The following CUL1 variants were observed in gnomAD, a reference collection of about 807,000 sequenced individuals.
The protein encoded by CUL1 is cullin-1.
In CUL1, 24 loss-of-function variants were observed where a neutral mutation model predicts 118.0. The observed-to-expected ratio is 0.20, with a 90% CI of 0.15 to 0.29. CUL1 has a LOEUF of 0.29. CUL1 is among the 10% of genes least tolerant of loss of function. The pLI, the probability that CUL1 is intolerant of heterozygous loss-of-function variation, is 1.00. For synonymous variants in CUL1, 332 were observed against 340.4 expected, an observed-to-expected ratio of 0.98 and a Z score of 0.27; for missense variants, 361 against 933.8, an observed-to-expected ratio of 0.39 and a Z score of 7.99.
Position 148,703,620 on chromosome 7 carries a change from C to T in CUL1, c.-162+4591C>T, listed in dbSNP as rs949871108. Among the ~76,000 whole-genome samples the T allele has an allele frequency of 2.6e-5, 4 of 152,086 alleles. 1 individual carries two copies. The South Asian group carries it at 8.3e-4, about 32-fold the overall frequency. On this transcript the variant is annotated intron_variant, in intron 1 of 21. Transcript: ENST00000325222. ...TGATCTCGGCTCACTGCAACCTCCG[C>T]CTCCTGGGTTCAAGCGCTTCTCCTG...
chr7:148,734,446 G>A (rs1798873544), intron 2 of CUL1, among the ~76,000 whole-genome samples: 2 of 152,186 alleles, frequency 1.3e-5, no homozygotes, highest in Admixed American at 6.5e-5. Flanking sequence ...GTTTCACCAT[G>A]TTGCCCAGGC....
chr7:148,794,705 A>C (rs967091196), intron 17 of CUL1, among the ~76,000 whole-genome samples: 4 of 152,070 alleles, frequency 2.6e-5, no homozygotes, highest in African/African-American at 7.2e-5. Context: ...TGAACATGGG[A>C]TGTCTTTTCA....
In CUL1 at chr7:148,800,283, T is replaced by C. The variant is rs574621382; in HGVS notation, c.2251-219T>C. Among the ~76,000 whole-genome samples, 48 of 152,196 alleles carry C rather than the reference T, an allele frequency of 3.2e-4. No homozygotes were observed. The highest frequency in any genetic ancestry group is 1.2e-3 in the African/African-American group (48 of 41,550). ...TTCCTAGGGCGGGTGCAGGAGGGAC[T>C]CGGAGTCACCCTCAGCAAGTGTCAG... On this transcript the variant is annotated intron_variant, in intron 21 of 21. Transcript: ENST00000325222. This position sits in a 1 kb window ranked among gnomAD's most constrained non-coding sequence, Gnocchi z 4.6.
intron 9 of CUL1, among the ~76,000 whole-genome samples, chr7:148,775,438 C>G (rs903683841): frequency 6.6e-6 from 1 of 152,138 alleles, no homozygotes; most frequent in South Asian, 2.1e-4. Context: ...TTAAAGCTGG[C>G]TAATGGGTTT....
chr7:148,789,875 G>A, intron 15 of CUL1, 49 bp downstream of exon 15: 10 of 1,543,966 alleles, frequency 6.5e-6, no homozygotes, highest in Non-Finnish European at 9.0e-6. Flanking sequence ...TGGAGGGTGG[G>A]GCAGGGCAGC....
chr7:148,736,422 C>T (rs1025884866), intron 2 of CUL1, among the ~76,000 whole-genome samples: 1 of 152,174 alleles, frequency 6.6e-6, no homozygotes. Flanking sequence ...CCCACCCCAC[C>T]TCAACCTCCT....
At position 148,750,995 on chromosome 7, in the gene CUL1, A is replaced by C. The variant is rs376093918; in HGVS notation, c.141-2981A>C. Among the ~76,000 whole-genome samples the C allele has an allele frequency of 4.8e-3, 735 of 151,988 alleles. 5 individuals carry two copies. The highest frequency in any genetic ancestry group is 8.8e-3 in the African/African-American group (364 of 41,464). The stretch of plus-strand genomic sequence containing the variant: ...AGATCCTGTCTCTTTAAAAAAAAAA[A>C]AAAACAAAACAAAACTGTCTATGCC... On this transcript the variant is annotated intron_variant, in intron 2 of 21. Coordinates refer to ENST00000325222, the MANE Select transcript of CUL1 (RefSeq NM_003592.3).
Sources: gnomAD v4.1 joint callset for allele counts (sites outside exome capture counted in the v4.1 genomes callset) on GRCh38, gnomAD v4.1.1 for gene constraint, Gnocchi (gnomAD v3.1) non-coding constraint, MANE v1.5 for transcripts, NCBI Gene and HGNC (gene_info 2026-07-23, HGNC 2026-07-21) for gene names.